FBLN7: variants seen among roughly 807,000 people sequenced by gnomAD.
FBLN7 encodes fibulin 7, also known as fibulin-7.
Under a neutral mutation model 44.0 loss-of-function variants are expected in FBLN7, and 31 were observed. The ratio of observed to expected loss-of-function variants is 0.70; its 90% confidence interval spans 0.53 to 0.95. The LOEUF is 0.95. Ranked by LOEUF, FBLN7 falls within the 40% of genes least tolerant of loss-of-function variation. The pLI is 0.00. For missense variants in FBLN7, 573 were observed against 618.5 expected, an observed-to-expected ratio of 0.93 and a Z score of 0.78; for synonymous variants, 262 against 253.4, an observed-to-expected ratio of 1.03 and a Z score of -0.32.
chr2:112,228,543 G>A, the FBLN7 span, among the ~76,000 whole-genome samples: 1 of 149,464 alleles, frequency 6.7e-6, no homozygotes, highest in Non-Finnish European at 1.5e-5. Context: ...ACATCTACAT[G>A]TAAAAAAAAG....
chr2:112,233,293 AATATCCTTGTAC>A, the FBLN7 span: 1 of 1,599,224 alleles, frequency 6.3e-7, no homozygotes, highest in Non-Finnish European at 8.5e-7. Context: ...CCTCTGGTAC[AATATCCTTGTAC>A]ATAAAACTTA....
chr2:112,167,895 G>GTTATGTTATGTTATGTTATGTTATC (rs1558885320), intron 3 of FBLN7, among the ~76,000 whole-genome samples: 1,799 of 151,634 alleles, frequency 0.012, 39 homozygotes, highest in African/African-American at 0.041. Context: ...GTTATGTTAT[G>GTTATGTTATGTTATGTTATGTTATC]TTATGTTATG....
At chr2:112,159,098 A>G (rs1293672139) in intron 1 of FBLN7, among the ~76,000 whole-genome samples, 1 of 152,022 alleles carries the variant, frequency 6.6e-6, no homozygotes, top group African/African-American at 2.4e-5. Context: ...CATGATAAGC[A>G]TGATCCTCCA....
the FBLN7 span, among the ~76,000 whole-genome samples, chr2:112,203,994 C>A: frequency 1.3e-5 from 2 of 151,914 alleles, no homozygotes; most frequent in East Asian, 3.9e-4. Flanking sequence ...GAGGACACAG[C>A]CAAACCATAT....
intron 4 of FBLN7, chr2:112,176,076 G>A (rs1381699049): frequency 8.6e-6 from 3 of 349,712 alleles, no homozygotes; most frequent in East Asian, 4.6e-5. Flanking sequence ...AAACACAAGC[G>A]CAAGAACTGA....
chr2:112,236,740 A>G, the FBLN7 span: 1 of 1,526,454 alleles, frequency 6.6e-7, no homozygotes, highest in Non-Finnish European at 8.9e-7. Flanking sequence ...AAGTTACAAT[A>G]GCAGTTTACT....
chr2:112,217,637 C>A, the FBLN7 span, among the ~76,000 whole-genome samples: 6 of 152,276 alleles, frequency 3.9e-5, no homozygotes, highest in Non-Finnish European at 5.9e-5. Flanking sequence ...TAAAAAGTTA[C>A]ATTCTTTAAT....
intron 1 of FBLN7, among the ~76,000 whole-genome samples, chr2:112,157,742 A>G (rs1387595998): frequency 6.6e-6 from 1 of 152,156 alleles, no homozygotes; most frequent in African/African-American, 2.4e-5. Flanking sequence ...TCCTGCCTAC[A>G]GGCGAGCACC....
Position 112,173,459 on chromosome 2 carries a change from T to G in FBLN7, c.407-2255T>G, listed in dbSNP as rs1416086639. Among the ~76,000 whole-genome samples the G allele has an allele frequency of 2.0e-5, 3 of 150,340 alleles. No homozygotes were observed. The East Asian group carries it at 5.9e-4, about 29-fold the overall frequency. On this transcript the variant is annotated intron_variant, in intron 3 of 7. Coordinates refer to ENST00000331203, the MANE Select transcript of FBLN7 (RefSeq NM_153214.3). The stretch of plus-strand genomic sequence containing the variant: ...AGAAAACACTCAAAAATGAGGTGAT[T>G]GGAAAAATGAAAAACAGGAAATGAG...
At chr2:112,173,580 GA>G (rs879744900) in intron 3 of FBLN7, among the ~76,000 whole-genome samples, 2 of 152,144 alleles carry the variant, frequency 1.3e-5, no homozygotes, top group Non-Finnish European at 2.9e-5. Context: ...AGAAATAAAA[GA>G]AAAAAGTTCG....
chr2:112,178,427 A>C (rs1682835042), intron 4 of FBLN7, among the ~76,000 whole-genome samples: 4 of 152,170 alleles, frequency 2.6e-5, no homozygotes, highest in African/African-American at 7.2e-5. Context: ...AGATGTACAA[A>C]GAAGAGCTGG....
intron 1 of FBLN7, chr2:112,152,427 T>A (rs1573772689): frequency 1.3e-5 from 2 of 152,110 alleles, no homozygotes; most frequent in Admixed American, 1.3e-4. Flanking sequence ...GCCAGCAGGG[T>A]TCAAACTCAA....
chr2:112,169,878 A>G (rs1363308306), intron 3 of FBLN7, among the ~76,000 whole-genome samples: 1 of 152,150 alleles, frequency 6.6e-6, no homozygotes, highest in Non-Finnish European at 1.5e-5. Context: ...CTGAGATGAA[A>G]GGAGGAATGG....
At chr2:112,211,735 C>T in the FBLN7 span, 1 of 147,940 alleles carries the variant, frequency 6.8e-6, no homozygotes, top group Non-Finnish European at 1.5e-5. Context: ...GAGTAACATA[C>T]AATAACTAAA....
the FBLN7 span, among the ~76,000 whole-genome samples, chr2:112,196,886 G>T: frequency 6.6e-6 from 1 of 152,180 alleles, no homozygotes; most frequent in Non-Finnish European, 1.5e-5. Flanking sequence ...GGAAGGCAAA[G>T]GTGAAGCAAA....
At chr2:112,185,564 A>G (rs1451786194) in intron 7 of FBLN7, among the ~76,000 whole-genome samples, 1 of 152,112 alleles carries the variant, frequency 6.6e-6, no homozygotes, top group Non-Finnish European at 1.5e-5. Context: ...GGAGTAATAT[A>G]CTAAGTGCAC....
intron 4 of FBLN7, among the ~76,000 whole-genome samples, chr2:112,178,922 T>C (rs1017411180): frequency 1.3e-5 from 2 of 152,346 alleles, no homozygotes; most frequent in East Asian, 1.9e-4. Context: ...CCTTGAAAAC[T>C]GGCATAAGAC....
At position 112,185,297 on chromosome 2, in the gene FBLN7, C is replaced by T; in HGVS notation, c.905C>T (p.Pro302Leu). 1 of 1,613,894 alleles carries T rather than the reference C, an allele frequency of 6.2e-7. No homozygotes were observed. The highest frequency in any genetic ancestry group is 1.1e-5 in the South Asian group (1 of 91,082). Residue 302 changes from proline (P) to leucine (L), a missense_variant, in exon 7 of 8, where the codon CCC (proline) becomes CTC (leucine). By Grantham distance (98) the Pro-to-Leu change is moderately conservative (BLOSUM62 -3). Transcript: ENST00000331203. ...TTCCAGTGTGTCAGCCCTGAGTGCC[C>T]CGAGGGCAGCGGCAATGTGAGCTAC... ...GSFQCVSPEC[P>L]EGSGNVSYVK...
chr2:112,169,554 G>A (rs939558243), intron 3 of FBLN7, among the ~76,000 whole-genome samples: 2 of 152,194 alleles, frequency 1.3e-5, no homozygotes, highest in South Asian at 4.1e-4. Flanking sequence ...TCATGCTGGT[G>A]GAAAGGAATC....
Sources: allele counts gnomAD v4.1 joint callset (sites outside exome capture counted in the v4.1 genomes callset), GRCh38; gene constraint gnomAD v4.1.1; transcripts MANE v1.5; gene names NCBI Gene and HGNC (gene_info 2026-07-23, HGNC 2026-07-21).